Variants in NUP210L observed in about 807,000 individuals in gnomAD.
NUP210L encodes nucleoporin 210 like.
NUP210L carries 74 observed loss-of-function variants against 208.5 expected under a neutral mutation model. The ratio of observed to expected loss-of-function variants is 0.35; its 90% confidence interval spans 0.29 to 0.43. The LOEUF (loss-of-function observed/expected upper bound fraction) is 0.43, where lower values mean the gene tolerates loss of function less well. Ranked by LOEUF, NUP210L falls within the 20% of genes least tolerant of loss-of-function variation. NUP210L has a pLI of 1.00. For synonymous variants in NUP210L, 780 were observed against 816.9 expected (o/e 0.95, Z 0.77); for missense variants, 1,843 against 2,289.4 (o/e 0.81, Z 3.98).
intron 16 of NUP210L, among the ~76,000 whole-genome samples, chr1:154,083,690 T>A (rs902573593): frequency 1.3e-5 from 2 of 152,128 alleles, no homozygotes; most frequent in Non-Finnish European, 2.9e-5. Flanking sequence ...CTTCCCTCTC[T>A]CATATTTTTC....
intron 2 of NUP210L, among the ~76,000 whole-genome samples, 175 bp downstream of exon 2, chr1:154,152,561 C>A (rs1221851680): frequency 6.6e-6 from 1 of 151,884 alleles, no homozygotes; most frequent in Non-Finnish European, 1.5e-5. Flanking sequence ...ATCTTTCTGC[C>A]TCAGCCTCCC....
intron 12 of NUP210L, among the ~76,000 whole-genome samples, chr1:154,112,423 A>T (rs951318834): frequency 1.3e-5 from 2 of 152,150 alleles, no homozygotes; most frequent in Non-Finnish European, 2.9e-5. Context: ...ACATTGCTAA[A>T]ATAACTAAAA....
chr1:154,096,434 C>T (rs1232035797), intron 14 of NUP210L, among the ~76,000 whole-genome samples: 1 of 152,084 alleles, frequency 6.6e-6, no homozygotes, highest in East Asian at 1.9e-4. Context: ...GAGAGACAGA[C>T]TTAGAGTAGG....
chr1:154,135,566 C>T (rs1021681960), intron 7 of NUP210L, among the ~76,000 whole-genome samples: 11 of 151,982 alleles, frequency 7.2e-5, no homozygotes, highest in Admixed American at 3.3e-4. Context: ...GGACTACAGG[C>T]GCCCGCCACC....
Position 154,056,873 on chromosome 1 carries a change from A to T in NUP210L, c.3182T>A (p.Val1061Glu), listed in dbSNP as rs758945769. 3.1e-6 allele frequency: 5 copies of T among 1,607,258 alleles called. No homozygotes were observed. The highest frequency in any genetic ancestry group is 4.2e-6 in the Non-Finnish European group (5 of 1,177,634). Residue 1061 changes from valine to glutamate, a missense_variant, in exon 23 of 40, where the codon GTG becomes GAG. Val to Glu is a moderately radical substitution (Grantham distance 121). Coordinates refer to ENST00000368559, the Ensembl canonical transcript of NUP210L. ...TCCCATCTTGTCCTTGGCAATAGCCACAAGTGTGGTTTGCCCAATAGTGGT... is the reference window on the plus strand; with the variant it reads ...TCCCATCTTGTCCTTGGCAATAGCCTCAAGTGTGGTTTGCCCAATAGTGGT...
chr1:154,151,499 A>G (rs1350425808), intron 2 of NUP210L, among the ~76,000 whole-genome samples: 1 of 151,854 alleles, frequency 6.6e-6, no homozygotes, highest in Non-Finnish European at 1.5e-5. Context: ...ATAGCAGAGG[A>G]CTCTTATTCC....
At chr1:154,059,546 T>C (rs1192516597) in intron 20 of NUP210L, among the ~76,000 whole-genome samples, 3 of 152,112 alleles carry the variant, frequency 2.0e-5, no homozygotes, top group African/African-American at 4.8e-5. Context: ...TTTATGTTGA[T>C]TGAATTCAAG....
chr1:154,046,369 C>T (rs577720127), exon 26 of NUP210L: 1 of 1,613,874 alleles, frequency 6.2e-7, no homozygotes, highest in East Asian at 2.2e-5. Flanking sequence ...TGTACTTCAT[C>T]CTGCTCAACA....
Position 154,002,140 on chromosome 1 carries a change from C to G in NUP210L, c.4931-155G>C, listed in dbSNP as rs147861281. The stretch of plus-strand genomic sequence containing the variant: ...TATTCAATATCAGCACAATATTGGC[C>G]ACTACGAGGAGGATGCCAAATAAAA... On this transcript the variant is annotated intron_variant, in intron 35 of 39. Transcript: ENST00000368559. 3.5e-4 allele frequency among the ~76,000 whole-genome samples: 53 copies of G among 152,184 alleles called. No individual in the cohort carries two copies. The East Asian group carries it at 9.1e-3, about 26-fold the overall frequency.
At chr1:154,036,408 A>G (rs2147953619) in intron 27 of NUP210L, among the ~76,000 whole-genome samples, 1 of 118,782 alleles carries the variant, frequency 8.4e-6, no homozygotes, top group Non-Finnish European at 1.6e-5. Context: ...CTTGTTGCCC[A>G]GGCTGGAGTG....
chr1:154,066,343 T>C (rs1557952311), intron 17 of NUP210L, among the ~76,000 whole-genome samples: 1 of 152,218 alleles, frequency 6.6e-6, no homozygotes, highest in Non-Finnish European at 1.5e-5. Flanking sequence ...CTGGGCGCGG[T>C]GGCTCACGCC....
At chr1:154,095,067 C>A (rs1656117927) in exon 15 of NUP210L, 20 of 1,613,964 alleles carry the variant, frequency 1.2e-5, no homozygotes, top group Non-Finnish European at 1.6e-5. Flanking sequence ...ATCGGGAGGG[C>A]TCCAAGATCC....
chr1:154,041,977 G>A (rs1652906818), intron 27 of NUP210L, among the ~76,000 whole-genome samples: 1 of 152,170 alleles, frequency 6.6e-6, no homozygotes, highest in South Asian at 2.1e-4. Context: ...TTATCTGGAA[G>A]AGTCTCATGC....
chr1:153,998,011 T>C (rs1001086384), intron 37 of NUP210L, among the ~76,000 whole-genome samples: 45 of 151,920 alleles, frequency 3.0e-4, no homozygotes, highest in Non-Finnish European at 6.2e-4. Flanking sequence ...CCTGGCCAAT[T>C]ACTGTAATTT....
rs569492026 is a variant in NUP210L, at chr1:154,100,240, C to T, written c.1820-97G>A. 52 of 1,131,064 alleles carry T rather than the reference C, an allele frequency of 4.6e-5. No homozygotes were observed. In the South Asian group the frequency reaches 5.0e-4, roughly 11 times the overall value. The allele number at this position is 1,131,064 out of a possible 1,614,324, so 70.1% of individuals were successfully genotyped here. On this transcript the variant is annotated intron_variant, in intron 13 of 39. Transcript: ENST00000368559. ...CAAGGCAGGAAGATTGCTTGAGCTC[C>T]GAAGTTTAAGACCCGCCTGAAAAAC...
chr1:154,064,439 G>A (rs192571323), intron 17 of NUP210L, among the ~76,000 whole-genome samples: 18 of 152,082 alleles, frequency 1.2e-4, no homozygotes, highest in Non-Finnish European at 2.2e-4. Context: ...AGTCTCACTC[G>A]CCTTCTTAAG....
chr1:153,998,875 T>C (rs1337156169), intron 37 of NUP210L, among the ~76,000 whole-genome samples: 1 of 151,924 alleles, frequency 6.6e-6, no homozygotes, highest in African/African-American at 2.4e-5. Flanking sequence ...CCACCATGCC[T>C]GGCTAATTCT....
chr1:154,116,738 AAAAT>A (rs1657354593), intron 12 of NUP210L, among the ~76,000 whole-genome samples: 1 of 152,148 alleles, frequency 6.6e-6, no homozygotes, highest in Admixed American at 6.6e-5. Context: ...AAAAAAAGAA[AAAAT>A]AAAGGAGAAA....
At chr1:154,054,183 T>C in intron 25 of NUP210L, 45 bp downstream of exon 25, 1 of 1,600,272 alleles carries the variant, frequency 6.2e-7, no homozygotes, top group Non-Finnish European at 8.6e-7. Context: ...ACAGTATGGT[T>C]CCTCAATAGA....
Sources: gnomAD v4.1 joint callset for allele counts (sites outside exome capture counted in the v4.1 genomes callset) on GRCh38, gnomAD v4.1.1 for gene constraint, MANE v1.5 for transcripts, NCBI Gene and HGNC (gene_info 2026-07-23, HGNC 2026-07-21) for gene names.